The following IL18BP variants were observed in gnomAD, a reference collection of about 807,000 sequenced individuals.
IL18BP encodes the protein interleukin 18 binding protein, also known as interleukin-18-binding protein.
IL18BP carries 23 observed loss-of-function variants against 19.9 expected under a neutral mutation model. The ratio of observed to expected loss-of-function variants is 1.15; its 90% CI spans 0.83 to 1.64. The LOEUF (loss-of-function observed/expected upper bound fraction) is 1.64. Among genes scored for constraint, IL18BP ranks in the 40% most tolerant of loss-of-function variants. The pLI, the probability that IL18BP is intolerant of heterozygous loss-of-function variation, is 0.00. For synonymous variants in IL18BP, 107 were observed against 101.0 expected (o/e 1.06, Z -0.35); for missense variants, 239 against 240.7 (o/e 0.99, Z 0.05).
At chr11:72,003,958 G>C (rs748913888), downstream of IL18BP, 5 of 1,613,422 alleles carry the variant, frequency 3.1e-6, no homozygotes, top group Non-Finnish European at 3.4e-6. Flanking sequence ...GTGGCAATGC[G>C]CGGAGAACGG....
In IL18BP at chr11:71,999,937, G is replaced by A. The variant is rs145858044; in HGVS notation, c.-48G>A. On this transcript the variant is annotated 5_prime_UTR_variant, in exon 2 of 6. Coordinates refer to ENST00000393703, the MANE Select transcript of IL18BP (RefSeq NM_001039660.2). ...CCCACCTTTCACCAGAGAAGAGGAC[G>A]TTGTCACAGATAAAGAGCCAGGCTC... is the stretch of plus-strand genomic sequence containing the variant. 1.9e-4 allele frequency: 304 copies of A among 1,606,818 alleles called. No homozygotes were observed. The African/African-American group carries it at 3.4e-3, about 18-fold the overall frequency.
downstream of IL18BP, chr11:72,007,126 C>A: frequency 6.3e-7 from 1 of 1,585,008 alleles, no homozygotes; most frequent in South Asian, 1.1e-5. Flanking sequence ...GTGCCCAGTG[C>A]AAAGATGCCC....
rs756195542 is a variant in IL18BP at position 71,999,100 on chromosome 11, G to C, written c.-59+81G>C. On this transcript the variant is annotated intron_variant, in intron 1 of 5. Coordinates refer to ENST00000393703, the MANE Select transcript of IL18BP (RefSeq NM_001039660.2). ...AGGATGAGAGACAGAGGGTGTGATG[G>C]TGGGTGCTGGGAGATGTAGCCGACC... 3 of 507,254 alleles carry C rather than the reference G, an allele frequency of 5.9e-6. No individual in the cohort carries two copies. In the East Asian group the frequency reaches 1.7e-4, roughly 28 times the overall value. The allele number at this position is 507,254 out of a possible 1,614,324, so 31.4% of individuals were successfully genotyped here. A position where few individuals can be genotyped will look rare whatever the true frequency, so the allele number is the denominator to read the frequency against.
At chr11:72,004,185 G>C (rs779674626), downstream of IL18BP, 5 of 1,603,482 alleles carry the variant, frequency 3.1e-6, no homozygotes, top group Admixed American at 1.8e-5. Flanking sequence ...GCAAGGTCCC[G>C]CCAGGGCGTC....
rs1241247550 is a variant in IL18BP, at chr11:71,999,915, A to G, written c.-58-12A>G. 7 of 1,543,652 alleles carry G rather than the reference A, an allele frequency of 4.5e-6. No homozygotes were observed. Among genetic ancestry groups the G allele is most frequent in the Non-Finnish European group, 6.2e-6 (7 of 1,121,440 alleles). On this transcript the variant is annotated splice_polypyrimidine_tract_variant and intron_variant, in intron 1 of 5. Transcript: ENST00000393703. ...GAGTGGTTTACCATTCTCCTCCCCC[A>G]CCTTTCACCAGAGAAGAGGACGTTG...
downstream of IL18BP, chr11:72,004,267 A>G (rs1590848891): frequency 1.2e-6 from 2 of 1,613,072 alleles, no homozygotes; most frequent in Non-Finnish European, 8.5e-7. Context: ...GGGCCTCAGT[A>G]GTGCTCTGTT....
At chr11:72,004,537 G>A (rs1237755803), downstream of IL18BP, 8 of 1,299,556 alleles carry the variant, frequency 6.2e-6, no homozygotes, top group Admixed American at 1.7e-4. Flanking sequence ...GGAAAGAGAG[G>A]GGGAAGTGAG....
intron 3 of IL18BP, 75 bp from the exon 4 acceptor site, chr11:72,001,126 C>A: frequency 6.4e-7 from 1 of 1,573,470 alleles, no homozygotes; most frequent in Non-Finnish European, 8.7e-7. Flanking sequence ...GGGGAGCTGG[C>A]AGGGAGGGCA....
rs373635209 is a variant in IL18BP, at chr11:72,001,780, C to T, written c.508-4C>T. On this transcript the variant is annotated splice_polypyrimidine_tract_variant and splice_region_variant and intron_variant, in intron 5 of 5. Transcript: ENST00000393703. ...CTGATCCTTGTCTGCCTTCACTTCC[C>T]TAGGCTGGGCTGAGGGCAACCTTGC... is the stretch of plus-strand genomic sequence containing the variant. 568 of 1,613,994 alleles carry T rather than the reference C, an allele frequency of 3.5e-4. No homozygotes were observed. The highest frequency in any genetic ancestry group is 4.0e-5 in the Non-Finnish European group (47 of 1,179,974).
chr11:72,000,978 C>G (rs1409011734), intron 3 of IL18BP, among the ~76,000 whole-genome samples: 1 of 152,202 alleles, frequency 6.6e-6, no homozygotes, highest in Non-Finnish European at 1.5e-5. Context: ...GGATTCATCA[C>G]GTGAACCAAG....
chr11:72,001,345 G>A (rs554253195), intron 4 of IL18BP, 21 bp downstream of exon 4: 4 of 1,614,254 alleles, frequency 2.5e-6, no homozygotes, highest in South Asian at 2.2e-5. Context: ...CAGCAGCCAG[G>A]TGGGTGGGAA....
downstream of IL18BP, chr11:72,005,144 C>G: frequency 7.2e-7 from 1 of 1,387,128 alleles, no homozygotes; most frequent in Non-Finnish European, 9.7e-7. Flanking sequence ...GTCAGTGATC[C>G]AGGGCCCTAG....
At chr11:72,007,360 G>A (rs745357622), downstream of IL18BP, 3 of 1,613,608 alleles carry the variant, frequency 1.9e-6, no homozygotes, top group African/African-American at 1.3e-5. Context: ...CTACCTTGGG[G>A]GGCAGGCGCT....
chr11:72,004,534 G>A (rs1423808773), downstream of IL18BP: 1 of 1,304,098 alleles, frequency 7.7e-7, no homozygotes, highest in South Asian at 1.3e-5. Context: ...GAGGGAAAGA[G>A]AGGGGGAAGT....
downstream of IL18BP, chr11:72,007,232 G>A (rs1298538739): frequency 6.2e-7 from 1 of 1,612,742 alleles, no homozygotes; most frequent in Non-Finnish European, 8.5e-7. Context: ...GCGCCGACGA[G>A]CGGAGCGGGT....
At chr11:71,999,796 C>G (rs1955112657) in intron 1 of IL18BP, 131 bp from the exon 2 acceptor site, 1 of 609,480 alleles carries the variant, frequency 1.6e-6, no homozygotes, top group African/African-American at 1.9e-5. Flanking sequence ...CTTGACCCCC[C>G]CAGCTCTGTT....
Position 72,002,032 on chromosome 11 carries a change from T to A in IL18BP, c.*171T>A. On this transcript the variant is annotated 3_prime_UTR_variant, in exon 6 of 6. Coordinates refer to ENST00000393703, the MANE Select transcript of IL18BP (RefSeq NM_001039660.2). ...ACCAAATTCAAACTCCATTCCCACCTACCTAGAAAATCACAGCCTCCTTAT... is the reference window on the plus strand; with the variant it reads ...ACCAAATTCAAACTCCATTCCCACCAACCTAGAAAATCACAGCCTCCTTAT... 1 of 923,020 alleles carries A rather than the reference T, an allele frequency of 1.1e-6. No individual in the cohort carries two copies. Among genetic ancestry groups the A allele is most frequent in the Non-Finnish European group, 1.6e-6 (1 of 612,248 alleles). The allele number at this position is 923,020 out of a possible 1,614,324, so 57.2% of individuals were successfully genotyped here.
chr11:72,001,599 TC>T, intron 5 of IL18BP, 47 bp downstream of exon 5: 1 of 1,595,512 alleles, frequency 6.3e-7, no homozygotes, highest in Non-Finnish European at 8.5e-7. Flanking sequence ...GAGCTCTGCT[TC>T]CATATGTGGG....
intron 2 of IL18BP, 132 bp from the exon 3 acceptor site, chr11:72,000,219 G>C (rs986592693): frequency 2.4e-5 from 22 of 905,226 alleles, no homozygotes; most frequent in Non-Finnish European, 3.7e-5. Context: ...TAAGGGGTGG[G>C]TGCTGAGGGG....
Sources: gnomAD v4.1 joint callset for allele counts (sites outside exome capture counted in the v4.1 genomes callset) on GRCh38, gnomAD v4.1.1 for gene constraint, MANE v1.5 for transcripts, NCBI Gene and HGNC (gene_info 2026-07-23, HGNC 2026-07-21) for gene names.